The following OTOGL variants were observed in gnomAD, a reference collection of about 807,000 sequenced individuals.
The protein encoded by OTOGL is otogelin like.
OTOGL carries 285 observed loss-of-function variants against 318.5 expected under a neutral mutation model. The observed-to-expected ratio is 0.89, with a 90% CI of 0.81 to 0.99. The LOEUF is 0.99. Among genes scored for constraint, OTOGL ranks in the 50% least tolerant of loss-of-function variants. OTOGL has a pLI of 0.00. For synonymous variants in OTOGL, 987 were observed against 936.5 expected (o/e 1.05, Z -0.99); for missense variants, 2,899 against 2,845.6 (o/e 1.02, Z -0.43).
At position 80,361,738 on chromosome 12, in the gene OTOGL, G is replaced by A. The variant is rs78451016; in HGVS notation, c.6267+2838G>A. On this transcript the variant is annotated intron_variant, in intron 52 of 58. Coordinates refer to ENST00000547103, the MANE Select transcript of OTOGL (RefSeq NM_001378609.3). ...GCATTTCCCTGATTACTAATATTAA[G>A]CATTTTAAAATATACTTCTTGGCCA... Among the ~76,000 whole-genome samples, 1,380 of 152,142 alleles carry A rather than the reference G, an allele frequency of 9.1e-3. 12 individuals are homozygous for A. The highest frequency in any genetic ancestry group is 0.028 in the African/African-American group (1,146 of 41,512).
chr12:80,353,719 T>A (rs1290418447), intron 46 of OTOGL, among the ~76,000 whole-genome samples: 1 of 152,248 alleles, frequency 6.6e-6, no homozygotes, highest in African/African-American at 2.4e-5. Flanking sequence ...TTAATCTTTA[T>A]ATCTGCCCAT....
intron 1 of OTOGL, among the ~76,000 whole-genome samples, chr12:80,140,050 C>T (rs770226891): frequency 6.6e-6 from 1 of 152,186 alleles, no homozygotes; most frequent in African/African-American, 2.4e-5. Flanking sequence ...CTACTGTATT[C>T]TTCTCTTGTT....
At chr12:80,354,644 T>A (rs1415894925) in intron 46 of OTOGL, among the ~76,000 whole-genome samples, 1 of 152,064 alleles carries the variant, frequency 6.6e-6, no homozygotes, top group African/African-American at 2.4e-5. Flanking sequence ...AGAAGTGAAA[T>A]GCATATATAG....
intron 1 of OTOGL, among the ~76,000 whole-genome samples, chr12:80,135,271 TCCCC>T (rs1871488028): frequency 3.4e-4 from 6 of 17,752 alleles, no homozygotes; most frequent in East Asian, 3.2e-3. Flanking sequence ...TCCCCTCCCC[TCCCC>T]TCCCCTTCCC....
intron 1 of OTOGL, among the ~76,000 whole-genome samples, chr12:80,194,593 A>G (rs931056157): frequency 2.2e-4 from 33 of 152,248 alleles, no homozygotes; most frequent in African/African-American, 8.0e-4. Flanking sequence ...TTATAGAAAG[A>G]AGAATCTGAC....
chr12:80,174,386 C>T (rs1874396386), intron 1 of OTOGL, among the ~76,000 whole-genome samples: 1 of 152,158 alleles, frequency 6.6e-6, no homozygotes, highest in Non-Finnish European at 1.5e-5. Context: ...AAAGACAAAT[C>T]ATAATGGGAC....
chr12:80,234,266 T>G (rs975527380), intron 9 of OTOGL, among the ~76,000 whole-genome samples: 4 of 152,160 alleles, frequency 2.6e-5, no homozygotes, highest in Admixed American at 2.6e-4. Context: ...ATGTGTCCAA[T>G]GTAACACAGC....
intron 1 of OTOGL, among the ~76,000 whole-genome samples, chr12:80,195,578 G>A (rs981872504): frequency 1.3e-5 from 2 of 152,148 alleles, no homozygotes; most frequent in African/African-American, 4.8e-5. Context: ...TTATTAATGA[G>A]CCATCTTTTT....
intron 1 of OTOGL, among the ~76,000 whole-genome samples, chr12:80,178,948 A>G (rs1490807608): frequency 1.3e-5 from 2 of 152,234 alleles, no homozygotes; most frequent in Non-Finnish European, 2.9e-5. Flanking sequence ...CTCCAAGCTC[A>G]GTAGAGAATC....
chr12:80,334,546 G>A (rs1299830673), intron 38 of OTOGL, among the ~76,000 whole-genome samples: 4 of 152,122 alleles, frequency 2.6e-5, no homozygotes, highest in Non-Finnish European at 5.9e-5. Flanking sequence ...TACAGATAGA[G>A]AAGTGAAAAG....
intron 1 of OTOGL, among the ~76,000 whole-genome samples, chr12:80,119,798 C>G (rs1250862865): frequency 6.6e-6 from 1 of 152,132 alleles, no homozygotes; most frequent in African/African-American, 2.4e-5. Context: ...TTAAATTCTT[C>G]AATTTTAAAA....
chr12:80,261,951 A>ATTGTCTTT lies in OTOGL; in HGVS notation c.1890-17_1890-10dup, dbSNP rs1882563863. The ATTGTCTTT allele has an allele frequency of 1.2e-6, 2 of 1,608,152 alleles. No individual in the cohort carries two copies. The highest frequency in any genetic ancestry group is 1.7e-6 in the Non-Finnish European group (2 of 1,176,720). On this transcript the variant is annotated splice_polypyrimidine_tract_variant and intron_variant, in intron 18 of 58. Transcript: ENST00000547103. ...GAATGAGAGATACATGAAGATGAGC[A>ATTGTCTTT]TTGTCTTTGCTTTCTAGTTCTCCAT...
chr12:80,130,670 G>A (rs571472142), intron 1 of OTOGL, among the ~76,000 whole-genome samples: 1 of 152,172 alleles, frequency 6.6e-6, no homozygotes, highest in Non-Finnish European at 1.5e-5. Context: ...AGGAATAAAG[G>A]TATGCTGACT....
intron 1 of OTOGL, among the ~76,000 whole-genome samples, chr12:80,120,527 T>C (rs1277778343): frequency 6.6e-6 from 1 of 152,148 alleles, no homozygotes; most frequent in Non-Finnish European, 1.5e-5. Flanking sequence ...ACTTGAATAA[T>C]GTGCAAACTT....
chr12:80,349,184 C>T (rs1889387881), intron 44 of OTOGL, among the ~76,000 whole-genome samples: 1 of 151,804 alleles, frequency 6.6e-6, no homozygotes, highest in South Asian at 2.1e-4. Context: ...TTCGGGAGCT[C>T]AGAGGAGATA....
chr12:80,328,578 T>A, intron 35 of OTOGL, 87 bp from the exon 36 acceptor site: 1 of 985,908 alleles, frequency 1.0e-6, no homozygotes, highest in Non-Finnish European at 1.5e-6. Flanking sequence ...GAAGAATATA[T>A]CTTAGTCGCA....
chr12:80,108,834 T>TTGTATATATATG (rs1422951386), intron 1 of OTOGL, among the ~76,000 whole-genome samples: 1 of 105,774 alleles, frequency 9.5e-6, no homozygotes, highest in Non-Finnish European at 1.9e-5. Context: ...TGTATATATA[T>TTGTATATATATG]TGTATATATA....
intron 52 of OTOGL, among the ~76,000 whole-genome samples, chr12:80,364,854 C>T (rs1040495936): frequency 6.6e-6 from 1 of 152,058 alleles, no homozygotes; most frequent in Non-Finnish European, 1.5e-5. Flanking sequence ...AGATGACCAA[C>T]AGCACATGAG....
chr12:80,160,067 C>T (rs918632096), intron 1 of OTOGL, among the ~76,000 whole-genome samples: 4 of 152,098 alleles, frequency 2.6e-5, no homozygotes, highest in African/African-American at 7.2e-5. Flanking sequence ...AAACTGGATT[C>T]TCATCTCTCA....
Sources: allele counts gnomAD v4.1 joint callset (sites outside exome capture counted in the v4.1 genomes callset), GRCh38; gene constraint gnomAD v4.1.1; transcripts MANE v1.5; gene names NCBI Gene and HGNC (gene_info 2026-07-23, HGNC 2026-07-21).